TEX36: variants seen among roughly 807,000 people sequenced by gnomAD.
The protein encoded by TEX36 is testis expressed 36, also known as testis-expressed protein 36.
In TEX36, 12 loss-of-function variants were observed where a neutral mutation model predicts 13.6. The ratio of observed to expected loss-of-function variants is 0.88; its 90% CI spans 0.56 to 1.43. The LOEUF is 1.43. Ranked by LOEUF, TEX36 falls within the 40% of genes most tolerant of loss-of-function variation. The pLI is 0.00. For missense variants in TEX36, 224 were observed against 228.3 expected (o/e 0.98, Z 0.12); for synonymous variants, 93 against 83.0 (o/e 1.12, Z -0.65).
intron 1 of TEX36, chr10:125,667,750 G>A (rs375553394): frequency 2.1e-5 from 17 of 820,552 alleles, no homozygotes; most frequent in Non-Finnish European, 2.9e-5. Context: ...TCACGCAGTC[G>A]TCAGCTGTCA....
downstream of TEX36, among the ~76,000 whole-genome samples, chr10:125,620,944 G>T (rs1846423752): frequency 6.6e-6 from 1 of 152,082 alleles, no homozygotes; most frequent in Non-Finnish European, 1.5e-5. Flanking sequence ...CCATGTTGTA[G>T]CATGTGTCAG....
chr10:125,669,143 T>A (rs1847176009), intron 1 of TEX36, among the ~76,000 whole-genome samples: 1 of 152,090 alleles, frequency 6.6e-6, no homozygotes, highest in Admixed American at 6.6e-5. Context: ...GTACAAAAAT[T>A]AGCTGGGTGT....
chr10:125,656,242 C>T (rs1465760037), intron 3 of TEX36, 46 bp from the exon 4 acceptor site: 1 of 462,854 alleles, frequency 2.2e-6, no homozygotes, highest in Non-Finnish European at 3.6e-6. Flanking sequence ...TTCAAGTTCA[C>T]ATAGTTCTTT....
At chr10:125,581,654 T>A (rs1192983471) in intron 3 of TEX36, among the ~76,000 whole-genome samples, 1 of 152,168 alleles carries the variant, frequency 6.6e-6, no homozygotes, top group African/African-American at 2.4e-5. Flanking sequence ...AGTCTCTGCC[T>A]TTTTCCCCCC....
intron 1 of TEX36, among the ~76,000 whole-genome samples, chr10:125,681,873 A>G (rs1847399997): frequency 6.6e-6 from 1 of 152,204 alleles, no homozygotes; most frequent in Non-Finnish European, 1.5e-5. Context: ...CTCCCATTTT[A>G]CAGACAAAGA....
chr10:125,654,733 G>T (rs547611602), downstream of TEX36, among the ~76,000 whole-genome samples: 3 of 152,234 alleles, frequency 2.0e-5, no homozygotes, highest in African/African-American at 4.8e-5. Context: ...AAATAACAAG[G>T]TACCTTTTTT....
chr10:125,623,116 A>G lies in TEX36; in HGVS notation c.265-1471T>C, dbSNP rs1386934670. On this transcript the variant is annotated intron_variant, in intron 3 of 3. Transcript: ENST00000526819. ...TACCATATATTGGAGGCTGATTCAG[A>G]GTATACACAGCCTTCTGGAGAACTT... Among the ~76,000 whole-genome samples, 7 of 152,320 alleles carry G rather than the reference A, an allele frequency of 4.6e-5. No homozygotes were observed. The East Asian group carries it at 1.4e-3, about 29-fold the overall frequency.
chr10:125,599,128 T>C (rs1846114995), intron 3 of TEX36, among the ~76,000 whole-genome samples: 1 of 152,248 alleles, frequency 6.6e-6, no homozygotes, highest in South Asian at 2.1e-4. Flanking sequence ...AAACTTTTTT[T>C]ATTATAAAAT....
chr10:125,645,816 G>T (rs1291422896), intron 3 of TEX36, among the ~76,000 whole-genome samples: 1 of 152,034 alleles, frequency 6.6e-6, no homozygotes, highest in African/African-American at 2.4e-5. Flanking sequence ...AAAAAAATAT[G>T]TAAAAGGGAG....
intron 3 of TEX36, among the ~76,000 whole-genome samples, chr10:125,658,323 G>A (rs1177645078): frequency 1.3e-5 from 2 of 151,934 alleles, no homozygotes; most frequent in African/African-American, 4.8e-5. Flanking sequence ...TGCATATAAA[G>A]AGAAACACTT....
intron 3 of TEX36, among the ~76,000 whole-genome samples, chr10:125,604,404 G>A (rs769906506): frequency 3.9e-5 from 6 of 152,118 alleles, no homozygotes; most frequent in East Asian, 1.9e-4. Flanking sequence ...GCCTGGGCAC[G>A]GTGGCTCATG....
chr10:125,682,883 T>A (rs1847418132), intron 1 of TEX36, 56 bp downstream of exon 1: 12 of 1,540,318 alleles, frequency 7.8e-6, no homozygotes, highest in Non-Finnish European at 1.1e-5. Flanking sequence ...CTCCTCAGAC[T>A]GTTGACCACA....
intron 3 of TEX36, among the ~76,000 whole-genome samples, chr10:125,631,407 A>G (rs751437822): frequency 1.9e-4 from 29 of 152,204 alleles, no homozygotes; most frequent in Non-Finnish European, 4.3e-4. Flanking sequence ...CCTCGGCTGT[A>G]TGACGGAGGA....
At chr10:125,670,340 G>T (rs1337218592) in intron 1 of TEX36, among the ~76,000 whole-genome samples, 1 of 152,158 alleles carries the variant, frequency 6.6e-6, no homozygotes, top group Non-Finnish European at 1.5e-5. Context: ...TTTCTCTAAT[G>T]ATCAGTGATG....
intron 1 of TEX36, among the ~76,000 whole-genome samples, chr10:125,676,496 T>C (rs1325324349): frequency 1.3e-5 from 2 of 152,220 alleles, no homozygotes; most frequent in Admixed American, 6.5e-5. Context: ...AGTCTATCTA[T>C]ATGTCTTTAC....
chr10:125,649,502 C>T lies in TEX36; in HGVS notation c.264+11519G>A, dbSNP rs967734571. Among the ~76,000 whole-genome samples the T allele has an allele frequency of 2.6e-5, 4 of 152,262 alleles. 1 individual carries two copies. Among genetic ancestry groups the T allele is most frequent in the African/African-American group, 2.4e-5 (1 of 41,548 alleles). ...GCCTTACAAGAGCTCCTGAAGGAAG[C>T]GCTAAACATGGAAAGGAACAACTGG... is the stretch of plus-strand genomic sequence containing the variant. On this transcript the variant is annotated intron_variant, in intron 3 of 3. Coordinates refer to the TEX36 transcript ENST00000526819.
At chr10:125,656,437 T>C (rs1012335465) in intron 3 of TEX36, among the ~76,000 whole-genome samples, 2 of 151,790 alleles carry the variant, frequency 1.3e-5, no homozygotes, top group African/African-American at 4.8e-5. Context: ...TTTGTATTTT[T>C]AGTAGAGACA....
intron 3 of TEX36, among the ~76,000 whole-genome samples, chr10:125,604,516 A>G (rs918157098): frequency 9.9e-5 from 15 of 151,962 alleles, no homozygotes; most frequent in African/African-American, 3.4e-4. Context: ...GTCTCTACAC[A>G]TAAAGAAAAA....
intron 3 of TEX36, among the ~76,000 whole-genome samples, chr10:125,590,154 G>A (rs574936026): frequency 2.0e-5 from 3 of 151,622 alleles, no homozygotes; most frequent in African/African-American, 4.9e-5. Flanking sequence ...TTGCTCTGTC[G>A]CACAGGCTGG....
Sources: allele counts gnomAD v4.1 joint callset (sites outside exome capture counted in the v4.1 genomes callset), GRCh38; gene constraint gnomAD v4.1.1; transcripts MANE v1.5; gene names NCBI Gene and HGNC (gene_info 2026-07-23, HGNC 2026-07-21).